Variants in TBC1D9 observed in about 807,000 individuals in gnomAD.
The protein encoded by TBC1D9 is TBC1 domain family member 9A.
In TBC1D9, 63 loss-of-function variants were observed where a neutral mutation model predicts 132.0. That is an observed-to-expected ratio of 0.48 (90% CI 0.39 to 0.59). The LOEUF (loss-of-function observed/expected upper bound fraction) is 0.59, where lower values mean the gene tolerates loss of function less well. Ranked by LOEUF, TBC1D9 falls within the 20% of genes least tolerant of loss-of-function variation. The pLI is 0.00. For missense variants in TBC1D9, 1,261 were observed against 1,592.7 expected (o/e 0.79, Z 3.54); for synonymous variants, 610 against 609.9 (o/e 1.00, Z 0.00).
intron 16 of TBC1D9, among the ~76,000 whole-genome samples, chr4:140,633,283 G>T (rs1326346823): frequency 6.6e-6 from 1 of 152,124 alleles, no homozygotes; most frequent in East Asian, 1.9e-4. Context: ...TACGTCAAGT[G>T]GGCCAGGCTC....
At chr4:140,644,070 C>T (rs1578821321) in intron 13 of TBC1D9, 3 of 424,522 alleles carry the variant, frequency 7.1e-6, no homozygotes, top group South Asian at 6.6e-5. Context: ...GCGCTTGGTC[C>T]CATCAGCTGG....
chr4:140,753,268 T>C (rs1369315717), intron 1 of TBC1D9, among the ~76,000 whole-genome samples: 1 of 151,938 alleles, frequency 6.6e-6, no homozygotes, highest in Non-Finnish European at 1.5e-5. Context: ...TTTTTTTTTT[T>C]CCTTTTCTAG....
intron 13 of TBC1D9, among the ~76,000 whole-genome samples, chr4:140,639,749 T>C (rs147821048): frequency 1.1e-4 from 17 of 152,214 alleles, no homozygotes; most frequent in Non-Finnish European, 2.1e-4. Context: ...TCTTCTCAAC[T>C]AGCAGAAAGG....
At chr4:140,634,760 A>G (rs1049247728) in intron 15 of TBC1D9, among the ~76,000 whole-genome samples, 7 of 152,204 alleles carry the variant, frequency 4.6e-5, no homozygotes, top group East Asian at 1.9e-4. Flanking sequence ...CCAAAATCAC[A>G]TAAATAAGAT....
intron 16 of TBC1D9, among the ~76,000 whole-genome samples, chr4:140,631,473 A>G (rs1427928471): frequency 1.3e-5 from 2 of 152,080 alleles, no homozygotes; most frequent in African/African-American, 4.8e-5. Flanking sequence ...TGCCTGCCTC[A>G]GCCTGAAACC....
chr4:140,666,617 C>T (rs1030441719), intron 9 of TBC1D9, among the ~76,000 whole-genome samples: 3 of 152,006 alleles, frequency 2.0e-5, no homozygotes, highest in East Asian at 1.9e-4. Flanking sequence ...GGATTACAGG[C>T]GTGAGCCACC....
chr4:140,719,397 A>C (rs1034035318), intron 1 of TBC1D9, among the ~76,000 whole-genome samples: 2 of 152,198 alleles, frequency 1.3e-5, no homozygotes, highest in African/African-American at 4.8e-5. Flanking sequence ...AATAATGCTT[A>C]ATTTTGGAGC....
chr4:140,743,767 G>C (rs961865274), intron 1 of TBC1D9, among the ~76,000 whole-genome samples: 6 of 152,148 alleles, frequency 3.9e-5, no homozygotes, highest in Non-Finnish European at 8.8e-5. Flanking sequence ...TTTGTGGTCA[G>C]GCCTGGGAAC....
chr4:140,662,708 G>A (rs1433176048), intron 9 of TBC1D9, among the ~76,000 whole-genome samples: 1 of 152,118 alleles, frequency 6.6e-6, no homozygotes, highest in African/African-American at 2.4e-5. Flanking sequence ...AGGTGTTGGG[G>A]ATGGGGATGG....
intron 2 of TBC1D9, among the ~76,000 whole-genome samples, chr4:140,689,397 C>A (rs1737838350): frequency 6.6e-6 from 1 of 150,888 alleles, no homozygotes; most frequent in Non-Finnish European, 1.5e-5. Flanking sequence ...TCCTTCCTTC[C>A]CCGCTTCCCT....
rs1736728094 is a variant in TBC1D9, at chr4:140,627,525, G to C, written c.2815C>G (p.Pro939Ala). Reference protein sequence around the residue: ...LLYKMHVLPEPSSDQDEPDSA... With the variant: ...LLYKMHVLPEASSDQDEPDSA... The stretch of plus-strand genomic sequence containing the variant: ...TCTGGTTCATCTTGATCAGAGGATG[G>C]CTCTAGGGAGGGGAGGAAACATAGT... Residue 939 changes from proline to alanine, a missense_variant and splice_region_variant, in exon 18 of 21, where the codon CCA (proline) becomes GCA (alanine). This residue lies in a region of TBC1D9 where 618 missense variants were observed against 724.4 expected (regional missense o/e 0.85). Transcript: ENST00000442267. The C allele has an allele frequency of 2.5e-6, 4 of 1,600,810 alleles. No individual in the cohort carries two copies. The highest frequency in any genetic ancestry group is 3.4e-6 in the Non-Finnish European group (4 of 1,169,982).
At chr4:140,720,114 C>T (rs1007015287) in intron 1 of TBC1D9, among the ~76,000 whole-genome samples, 3 of 152,086 alleles carry the variant, frequency 2.0e-5, no homozygotes, top group African/African-American at 7.2e-5. Flanking sequence ...ATAAATAGTA[C>T]CGATTGCGGT....
chr4:140,660,875 G>A (rs1737345943), intron 10 of TBC1D9, among the ~76,000 whole-genome samples: 1 of 152,042 alleles, frequency 6.6e-6, no homozygotes, highest in South Asian at 2.1e-4. Flanking sequence ...TTTGCTGGAT[G>A]GTCAGGGAAG....
chr4:140,648,558 G>T (rs1405943590), intron 13 of TBC1D9, among the ~76,000 whole-genome samples: 2 of 151,744 alleles, frequency 1.3e-5, no homozygotes, highest in African/African-American at 2.4e-5. Context: ...GCTAATTGTT[G>T]TATTTTTTGT....
At chr4:140,687,380 ATATATATATATATAT>A (rs1737804219) in intron 2 of TBC1D9, among the ~76,000 whole-genome samples, 1 of 82,710 alleles carries the variant, frequency 1.2e-5, no homozygotes, top group African/African-American at 3.9e-5. Context: ...ATATATATAT[ATATATATATATATAT>A]AAACATATAG....
At chr4:140,733,514 A>T (rs1000525857) in intron 1 of TBC1D9, among the ~76,000 whole-genome samples, 1 of 152,210 alleles carries the variant, frequency 6.6e-6, no homozygotes, top group Non-Finnish European at 1.5e-5. Context: ...AAACACCGCT[A>T]CAACTTTAAA....
At chr4:140,730,711 G>T (rs1738577262) in intron 1 of TBC1D9, among the ~76,000 whole-genome samples, 1 of 152,086 alleles carries the variant, frequency 6.6e-6, no homozygotes. Context: ...GGGCAACAGA[G>T]CAAGACTCCG....
intron 5 of TBC1D9, among the ~76,000 whole-genome samples, chr4:140,677,708 G>A (rs1348986812): frequency 6.6e-6 from 1 of 152,066 alleles, no homozygotes; most frequent in East Asian, 1.9e-4. Context: ...CATCAGCCTC[G>A]TGATGGTCTA....
intron 1 of TBC1D9, among the ~76,000 whole-genome samples, chr4:140,733,933 T>C (rs925716381): frequency 4.0e-5 from 6 of 151,762 alleles, no homozygotes; most frequent in Admixed American, 1.3e-4. Flanking sequence ...CCTTCTCTCC[T>C]CCGCTCTTCC....
Sources: allele counts gnomAD v4.1 joint callset (sites outside exome capture counted in the v4.1 genomes callset), GRCh38; gene constraint gnomAD v4.1.1; regional missense constraint gnomAD v4.1.1; transcripts MANE v1.5; gene names NCBI Gene and HGNC (gene_info 2026-07-23, HGNC 2026-07-21).